The following TRIP12 variants were observed in gnomAD, a reference collection of about 807,000 sequenced individuals.
The protein encoded by TRIP12 is E3 ubiquitin-protein ligase TRIP12.
In TRIP12, 25 loss-of-function variants were observed where a neutral mutation model predicts 244.2. The ratio of observed to expected loss-of-function variants is 0.10; its 90% confidence interval spans 0.07 to 0.14. The LOEUF (loss-of-function observed/expected upper bound fraction) is 0.14, where lower values mean the gene tolerates loss of function less well. Among genes scored for constraint, TRIP12 ranks in the 10% least tolerant of loss-of-function variants. The pLI, the probability that TRIP12 is intolerant of heterozygous loss-of-function variation, is 1.00. For missense variants in TRIP12, 1,677 were observed against 2,486.4 expected (o/e 0.67, Z 6.92); for synonymous variants, 905 against 873.1 (o/e 1.04, Z -0.64).
chr2:229,784,602 C>T (rs1559377416), intron 34 of TRIP12, among the ~76,000 whole-genome samples: 1 of 150,058 alleles, frequency 6.7e-6, no homozygotes, highest in Non-Finnish European at 1.5e-5. Flanking sequence ...AAAGATAAGC[C>T]ACAAACTGGA....
At chr2:229,819,993 G>A (rs1456909727) in intron 8 of TRIP12, among the ~76,000 whole-genome samples, 1 of 152,094 alleles carries the variant, frequency 6.6e-6, no homozygotes, top group Non-Finnish European at 1.5e-5. Context: ...TACACCAGAA[G>A]AAAAGTTCAG....
At chr2:229,810,754 T>G in intron 15 of TRIP12, 126 bp downstream of exon 15, 1 of 938,990 alleles carries the variant, frequency 1.1e-6, no homozygotes, top group Admixed American at 2.9e-5. Context: ...ATATTAACAC[T>G]TTTCTTTACT....
rs774819692 is a variant in TRIP12 at position 229,763,911 on chromosome 2, T to G, written c.*3643A>C. The G allele has an allele frequency of 6.6e-6, 1 of 152,208 alleles. No individual in the cohort carries two copies. The highest frequency in any genetic ancestry group is 1.5e-5 in the Non-Finnish European group (1 of 68,036). 9.4% of individuals were successfully genotyped at this position (152,208 alleles called of 1,614,324 possible). On this transcript the variant is annotated 3_prime_UTR_variant, in exon 42 of 42. Coordinates refer to ENST00000675903, the MANE Select transcript of TRIP12 (RefSeq NM_001348323.3). Reference sequence around the variant, plus strand: ...GCATTTATGCAATTTTACATACACATCTGTAGTTTGAGGTTCCATTATTCC... The same window carrying G: ...GCATTTATGCAATTTTACATACACAGCTGTAGTTTGAGGTTCCATTATTCC...
chr2:229,790,590 T>C (rs1350522700), intron 30 of TRIP12, among the ~76,000 whole-genome samples: 2 of 151,956 alleles, frequency 1.3e-5, no homozygotes, highest in African/African-American at 4.8e-5. Flanking sequence ...TCTAAGGCAC[T>C]GTTAGTATCG....
intron 39 of TRIP12, among the ~76,000 whole-genome samples, chr2:229,769,889 T>A (rs1348165768): frequency 6.6e-6 from 1 of 152,178 alleles, no homozygotes; most frequent in Non-Finnish European, 1.5e-5. Context: ...TAGAAAGCAA[T>A]AAATGCTTTC....
At chr2:229,896,606 C>T (rs1428768565) in intron 1 of TRIP12, among the ~76,000 whole-genome samples, 4 of 151,856 alleles carry the variant, frequency 2.6e-5, no homozygotes, top group Non-Finnish European at 5.9e-5. Flanking sequence ...AGCAAGACTC[C>T]GTCTCAAAAA....
At chr2:229,851,208 T>C (rs950184439) in intron 4 of TRIP12, among the ~76,000 whole-genome samples, 3 of 152,168 alleles carry the variant, frequency 2.0e-5, no homozygotes, top group Non-Finnish European at 2.9e-5. Flanking sequence ...GGAGAACCTT[T>C]ATGTCTAGCT....
Position 229,910,777 on chromosome 2 carries a change from T to TA in TRIP12, c.-50+11102dup, listed in dbSNP as rs201879836. 2.6e-5 allele frequency among the ~76,000 whole-genome samples: 4 copies of TA among 152,082 alleles called. No homozygotes were observed. In the East Asian group the frequency reaches 7.7e-4, roughly 29 times the overall value. Reference sequence around the variant, plus strand: ...TCAAAAGGCAGGATGAAGAGTAGAGTAAAAAAGATGAACTCTGCAATTAAC... The same window carrying TA: ...TCAAAAGGCAGGATGAAGAGTAGAGTAAAAAAAGATGAACTCTGCAATTAAC... On this transcript the variant is annotated intron_variant, in intron 1 of 41. Transcript: ENST00000675903.
chr2:229,894,490 T>C (rs2068224436), intron 1 of TRIP12: 2 of 152,116 alleles, frequency 1.3e-5, no homozygotes, highest in South Asian at 4.1e-4. Context: ...AAAAAAACTA[T>C]GGGATACACT....
chr2:229,905,313 A>C (rs1392993222), intron 1 of TRIP12, among the ~76,000 whole-genome samples: 1 of 152,126 alleles, frequency 6.6e-6, no homozygotes, highest in Non-Finnish European at 1.5e-5. Context: ...AAGACTCTTC[A>C]AGTGGGCAAG....
chr2:229,916,095 A>G (rs2075329912), intron 1 of TRIP12, among the ~76,000 whole-genome samples: 1 of 152,230 alleles, frequency 6.6e-6, no homozygotes, highest in Non-Finnish European at 1.5e-5. Flanking sequence ...AAGTGGAGAA[A>G]GGGCCTTGTG....
chr2:229,866,529 T>A (rs1000715773), intron 2 of TRIP12, among the ~76,000 whole-genome samples: 1 of 152,224 alleles, frequency 6.6e-6, no homozygotes, highest in African/African-American at 2.4e-5. Context: ...CTTCATTTAT[T>A]TGAAGATATT....
At chr2:229,774,312 G>A (rs766819313) in intron 37 of TRIP12, 51 bp from the exon 38 acceptor site, 6 of 1,536,832 alleles carry the variant, frequency 3.9e-6, no homozygotes, top group African/African-American at 1.4e-5. Context: ...TTAACTTACG[G>A]TTGTTTAAAA....
intron 4 of TRIP12, among the ~76,000 whole-genome samples, chr2:229,843,505 T>C (rs912288826): frequency 6.6e-6 from 1 of 151,836 alleles, no homozygotes; most frequent in African/African-American, 2.4e-5. Flanking sequence ...GGCCTGAGGA[T>C]CATTTGAGTC....
chr2:229,893,094 T>C (rs2067793140), intron 1 of TRIP12, among the ~76,000 whole-genome samples: 1 of 152,174 alleles, frequency 6.6e-6, no homozygotes. Context: ...TACAAAAAAG[T>C]TGAGAATTGC....
At chr2:229,857,761 C>T (rs1576158267) in intron 4 of TRIP12, among the ~76,000 whole-genome samples, 1 of 152,224 alleles carries the variant, frequency 6.6e-6, no homozygotes. Flanking sequence ...ATCTCCAAAA[C>T]TGACTCATGA....
At chr2:229,903,015 T>C (rs59624557) in intron 1 of TRIP12, among the ~76,000 whole-genome samples, 28,696 of 95,162 alleles carry the variant, frequency 0.3, 3,417 homozygotes, top group Middle Eastern at 0.47. Flanking sequence ...TTTTTCTTTT[T>C]TTCTTTTTTT....
intron 4 of TRIP12, among the ~76,000 whole-genome samples, chr2:229,846,173 T>C (rs1387270392): frequency 3.9e-5 from 6 of 151,982 alleles, no homozygotes; most frequent in Non-Finnish European, 7.4e-5. Context: ...TGGAAAAAAA[T>C]TGACTCCAAT....
chr2:229,873,514 T>C (rs75543280), intron 2 of TRIP12, among the ~76,000 whole-genome samples: 2,282 of 152,292 alleles, frequency 0.015, 56 homozygotes, highest in African/African-American at 0.051. Flanking sequence ...ATGTTAATGT[T>C]AGGGTATTGA....
Sources: gnomAD v4.1 joint callset for allele counts (sites outside exome capture counted in the v4.1 genomes callset) on GRCh38, gnomAD v4.1.1 for gene constraint, MANE v1.5 for transcripts, NCBI Gene and HGNC (gene_info 2026-07-23, HGNC 2026-07-21) for gene names.